Variants in DMD observed in about 807,000 individuals in gnomAD.
DMD encodes dystrophin, also known as mutant dystrophin.
Under a neutral mutation model 330.1 loss-of-function variants are expected in DMD, and 63 were observed. That is an observed-to-expected ratio of 0.19 (90% CI 0.16 to 0.24). The LOEUF is 0.24. Ranked by LOEUF, DMD falls within the 10% of genes least tolerant of loss-of-function variation. DMD has a pLI of 1.00. For synonymous variants in DMD, 1,223 were observed against 959.8 expected (o/e 1.27, Z -5.07); for missense variants, 3,344 against 2,684.1 (o/e 1.25, Z -5.43).
intron 63 of DMD, among the ~76,000 whole-genome samples, chrX:31,259,125 A>C (rs913675531): frequency 8.9e-6 from 1 of 112,234 alleles, no homozygotes; most frequent in Non-Finnish European, 1.9e-5. Context: ...AACTTCAAAA[A>C]TATGAATAGG....
intron 1 of DMD, among the ~76,000 whole-genome samples, chrX:33,122,889 T>TA (rs777293630): frequency 2.3e-4 from 26 of 112,154 alleles, no homozygotes; most frequent in Non-Finnish European, 3.2e-4. Flanking sequence ...AACATCAGTT[T>TA]ATTTCATGTT....
chrX:32,153,108 C>T (rs949378808), intron 44 of DMD, among the ~76,000 whole-genome samples: 1 of 112,058 alleles, frequency 8.9e-6, no homozygotes, highest in Non-Finnish European at 1.9e-5. Flanking sequence ...ACTGACGTCT[C>T]TATTAGCTTA....
At chrX:32,268,311 T>A (rs1422272077) in intron 43 of DMD, among the ~76,000 whole-genome samples, 1 of 111,454 alleles carries the variant, frequency 9.0e-6, no homozygotes, top group African/African-American at 3.3e-5. Flanking sequence ...TACAACCACA[T>A]GCAAAAACAG....
intron 11 of DMD, among the ~76,000 whole-genome samples, chrX:32,636,780 C>T (rs2059124523): frequency 9.0e-6 from 1 of 110,599 alleles, no homozygotes. Context: ...AGGTGGATCA[C>T]GAGGTCAGGA....
intron 59 of DMD, among the ~76,000 whole-genome samples, chrX:31,470,736 A>T (rs2067234059): frequency 8.9e-6 from 1 of 112,022 alleles, no homozygotes; most frequent in African/African-American, 3.2e-5. Flanking sequence ...AAGTCTGCTG[A>T]TGCTGCACCC....
chrX:31,811,144 G>T (rs1229272730), intron 50 of DMD, among the ~76,000 whole-genome samples: 3 of 111,887 alleles, frequency 2.7e-5, no homozygotes, highest in East Asian at 2.8e-4. Flanking sequence ...CTACCAAAAG[G>T]TTAAGAGAGG....
chrX:33,237,945 A>T (rs936582113), intron 1 of DMD, among the ~76,000 whole-genome samples: 1 of 112,421 alleles, frequency 8.9e-6, no homozygotes, highest in African/African-American at 3.2e-5. Context: ...TAAACTAAAC[A>T]TAATAGTTGC....
intron 1 of DMD, among the ~76,000 whole-genome samples, chrX:33,177,613 T>G (rs1015604248): frequency 9.0e-6 from 1 of 111,012 alleles, no homozygotes; most frequent in African/African-American, 3.3e-5. Context: ...CTCGAACTCC[T>G]GGCCTCAAAT....
intron 1 of DMD, among the ~76,000 whole-genome samples, chrX:33,028,750 T>G (rs1458266368): frequency 9.9e-6 from 1 of 100,848 alleles, no homozygotes; most frequent in East Asian, 4.2e-4. Context: ...ATTATGCATA[T>G]GTGTTACACA....
intron 48 of DMD, among the ~76,000 whole-genome samples, chrX:31,853,367 G>A (rs1349073444): frequency 8.9e-6 from 1 of 112,171 alleles, no homozygotes; most frequent in Non-Finnish European, 1.9e-5. Flanking sequence ...CTGAAAATAG[G>A]TGGAGGACTA....
At chrX:32,803,674 T>A (rs1603429882) in intron 7 of DMD, among the ~76,000 whole-genome samples, 1 of 112,136 alleles carries the variant, frequency 8.9e-6, no homozygotes, top group East Asian at 2.8e-4. Flanking sequence ...TTGTTCTCAT[T>A]GGTTTCAAAG....
At chrX:32,708,465 T>C (rs144720881) in intron 7 of DMD, among the ~76,000 whole-genome samples, 74 of 111,531 alleles carry the variant, frequency 6.6e-4, no homozygotes, top group African/African-American at 2.3e-3. Context: ...GTCATATTAG[T>C]ATCTTGCAAA....
chrX:32,073,981 G>C (rs1270008113), intron 44 of DMD, among the ~76,000 whole-genome samples: 1 of 111,050 alleles, frequency 9.0e-6, no homozygotes, highest in Admixed American at 9.6e-5. Flanking sequence ...GATAGACAAA[G>C]AAAATTTTAA....
At chrX:31,677,054 A>G (rs1236709557) in intron 53 of DMD, among the ~76,000 whole-genome samples, 1 of 62,215 alleles carries the variant, frequency 1.6e-5, no homozygotes. Context: ...GTAGTTTTAG[A>G]CCATTCCAAA....
chrX:32,725,772 G>A (rs746580012), intron 7 of DMD, among the ~76,000 whole-genome samples: 20 of 110,842 alleles, frequency 1.8e-4, no homozygotes, highest in African/African-American at 5.2e-4. Flanking sequence ...TAGTATTTGC[G>A]AGCACAGCAA....
At chrX:31,361,236 C>T (rs1446928126) in intron 60 of DMD, among the ~76,000 whole-genome samples, 1 of 111,151 alleles carries the variant, frequency 9.0e-6, no homozygotes, top group Non-Finnish European at 1.9e-5. Flanking sequence ...TTGAGGGTAA[C>T]CCATACGATT....
At chrX:31,845,375 GTCTCTC>G (rs535397626) in intron 48 of DMD, among the ~76,000 whole-genome samples, 2,168 of 60,025 alleles carry the variant, frequency 0.036, 65 homozygotes, top group African/African-American at 0.077. Context: ...ACAGAATAAA[GTCTCTC>G]TCTCTCTCTC....
chrX:31,750,925 A>T (rs1365679779), intron 51 of DMD, among the ~76,000 whole-genome samples: 3 of 106,632 alleles, frequency 2.8e-5, no homozygotes, highest in Admixed American at 1.0e-4. Context: ...AATACCTAGG[A>T]ATCCAACTTA....
rs1436362840 is a variant in DMD at position 32,844,975 on chromosome X, T to C, written c.187-115A>G. The C allele has an allele frequency of 6.5e-6, 4 of 611,540 alleles. No individual in the cohort carries two copies. The East Asian group carries it at 1.1e-4, about 16-fold the overall frequency. The allele number at this position is 611,540 out of a possible 1,213,427, so 50.4% of individuals were successfully genotyped here. A position where few individuals can be genotyped will look rare whatever the true frequency, so the allele number is the denominator to read the frequency against. On this transcript the variant is annotated intron_variant, in intron 3 of 78. Coordinates refer to ENST00000357033, the MANE Select transcript of DMD (RefSeq NM_004006.3). ...TTGAATATTGTAAACGAACAGAGCC[T>C]GTGAGGCATTAATATAATGAATCTA...
Sources: gnomAD v4.1 joint callset for allele counts (sites outside exome capture counted in the v4.1 genomes callset) on GRCh38, gnomAD v4.1.1 for gene constraint, MANE v1.5 for transcripts, NCBI Gene and HGNC (gene_info 2026-07-23, HGNC 2026-07-21) for gene names.